The following HSD17B12 variants were observed in gnomAD, a reference collection of about 807,000 sequenced individuals.
The protein encoded by HSD17B12 is hydroxysteroid 17-beta dehydrogenase 12, also known as very-long-chain 3-oxoacyl-CoA reductase.
HSD17B12 carries 32 observed loss-of-function variants against 39.3 expected under a neutral mutation model. The ratio of observed to expected loss-of-function variants is 0.81; its 90% CI spans 0.61 to 1.09. The LOEUF is 1.09. Among genes scored for constraint, HSD17B12 ranks in the 50% least tolerant of loss-of-function variants. The pLI, the probability that HSD17B12 is intolerant of heterozygous loss-of-function variation, is 0.00. For missense variants in HSD17B12, 342 were observed against 382.9 expected (o/e 0.89, Z 0.89); for synonymous variants, 150 against 146.7 (o/e 1.02, Z -0.16).
chr11:43,721,719 A>T (rs553821164), intron 1 of HSD17B12, among the ~76,000 whole-genome samples: 1 of 152,202 alleles, frequency 6.6e-6, no homozygotes, highest in East Asian at 1.9e-4. Context: ...AGCCGAGAGT[A>T]TAAGAGGAGA....
the HSD17B12 span, among the ~76,000 whole-genome samples, chr11:43,582,496 G>T: frequency 2.0e-5 from 3 of 152,218 alleles, no homozygotes; most frequent in African/African-American, 7.2e-5. Context: ...TGCCCTTAGG[G>T]ACTGGGCCAG....
chr11:43,619,260 T>TA, the HSD17B12 span, among the ~76,000 whole-genome samples: 2 of 91,640 alleles, frequency 2.2e-5, no homozygotes, highest in Admixed American at 2.5e-4. Flanking sequence ...ATATATATAT[T>TA]TTATATATAT....
intron 1 of HSD17B12, among the ~76,000 whole-genome samples, chr11:43,697,560 A>T (rs747054708): frequency 4.6e-5 from 7 of 152,218 alleles, no homozygotes; most frequent in Non-Finnish European, 1.0e-4. Flanking sequence ...CCAAAGTCAC[A>T]TAGTAAGTGG....
chr11:43,746,937 T>C (rs1950417495), intron 1 of HSD17B12, among the ~76,000 whole-genome samples: 1 of 152,232 alleles, frequency 6.6e-6, no homozygotes, highest in Non-Finnish European at 1.5e-5. Context: ...CTGCTGACTG[T>C]ATGTGGTTTG....
chr11:43,597,926 C>T, the HSD17B12 span, among the ~76,000 whole-genome samples: 27 of 152,232 alleles, frequency 1.8e-4, no homozygotes, highest in Admixed American at 7.2e-4. Context: ...TCAGCCACCG[C>T]GCCCAGCCCC....
At chr11:43,660,498 C>G in the HSD17B12 span, among the ~76,000 whole-genome samples, 1 of 152,118 alleles carries the variant, frequency 6.6e-6, no homozygotes, top group Non-Finnish European at 1.5e-5. Flanking sequence ...TTAACTAACA[C>G]TAATTAAAGT....
At chr11:43,690,404 A>ATATTTTTTTT (rs1554959942) in intron 1 of HSD17B12, among the ~76,000 whole-genome samples, 1 of 24,960 alleles carries the variant, frequency 4.0e-5, no homozygotes, top group African/African-American at 1.9e-4. Context: ...ATATATATAT[A>ATATTTTTTTT]TTTTTTTTTT....
At chr11:43,801,595 G>GATAT (rs55674379) in intron 4 of HSD17B12, among the ~76,000 whole-genome samples, 1,308 of 72,116 alleles carry the variant, frequency 0.018, 7 homozygotes, top group Non-Finnish European at 0.025. Context: ...GATAGTTGGA[G>GATAT]ATATATATAT....
At chr11:43,613,344 A>G in the HSD17B12 span, among the ~76,000 whole-genome samples, 1 of 151,902 alleles carries the variant, frequency 6.6e-6, no homozygotes, top group Non-Finnish European at 1.5e-5. Context: ...GTGAGTCAAG[A>G]TCATATCATC....
At chr11:43,792,694 T>C (rs1950879055) in intron 3 of HSD17B12, among the ~76,000 whole-genome samples, 1 of 146,746 alleles carries the variant, frequency 6.8e-6, no homozygotes, top group Admixed American at 6.8e-5. Flanking sequence ...TTTTTTTTTT[T>C]TTTTTTTTTT....
the HSD17B12 span, among the ~76,000 whole-genome samples, chr11:43,575,369 C>T: frequency 2.0e-5 from 3 of 152,216 alleles, no homozygotes; most frequent in Non-Finnish European, 4.4e-5. The surrounding 1 kb of genome is among the most constrained non-coding windows in gnomAD (Gnocchi z 4.1). Flanking sequence ...GGCTATCTGC[C>T]CGACAAACAC....
the HSD17B12 span, among the ~76,000 whole-genome samples, chr11:43,619,936 T>G: frequency 2.6e-5 from 4 of 152,236 alleles, no homozygotes; most frequent in Admixed American, 6.5e-5. Flanking sequence ...GGCCCAGTTG[T>G]CCACTGACTT....
At chr11:43,731,413 G>A (rs1950265992) in intron 1 of HSD17B12, among the ~76,000 whole-genome samples, 1 of 152,142 alleles carries the variant, frequency 6.6e-6, no homozygotes, top group South Asian at 2.1e-4. Context: ...GTTAGCTAGT[G>A]GAATTATACC....
the HSD17B12 span, among the ~76,000 whole-genome samples, chr11:43,607,145 A>G: frequency 5.3e-5 from 8 of 152,154 alleles, no homozygotes; most frequent in Non-Finnish European, 7.3e-5. Flanking sequence ...TTCATTATAG[A>G]AATGTTCTAA....
At chr11:43,653,779 T>C in the HSD17B12 span, among the ~76,000 whole-genome samples, 16 of 152,206 alleles carry the variant, frequency 1.1e-4, no homozygotes, top group Non-Finnish European at 1.9e-4. Context: ...ATGTGCCACA[T>C]TTTCTTAATC....
chr11:43,705,560 A>T (rs1950005037), intron 1 of HSD17B12, among the ~76,000 whole-genome samples: 1 of 152,100 alleles, frequency 6.6e-6, no homozygotes, highest in Non-Finnish European at 1.5e-5. Flanking sequence ...TCCTTTGTGC[A>T]TATTTCTTTC....
At chr11:43,641,802 A>G in the HSD17B12 span, among the ~76,000 whole-genome samples, 2 of 151,994 alleles carry the variant, frequency 1.3e-5, no homozygotes, top group Non-Finnish European at 2.9e-5. Flanking sequence ...TATAAAATAC[A>G]TACATGAAAA....
At chr11:43,659,759 T>G in the HSD17B12 span, among the ~76,000 whole-genome samples, 1 of 152,124 alleles carries the variant, frequency 6.6e-6, no homozygotes, top group African/African-American at 2.4e-5. Flanking sequence ...AACTCAGTAA[T>G]AAAACAGACA....
At position 43,855,420 on chromosome 11, in the gene HSD17B12, T is replaced by A. The variant is rs1251446235; in HGVS notation, c.*172T>A. On this transcript the variant is annotated 3_prime_UTR_variant, in exon 11 of 11. Transcript: ENST00000278353. The stretch of plus-strand genomic sequence containing the variant: ...AAGTTGCTTTTAGGGGTTTCTGACA[T>A]ATATTCTGGATACTATCCGAGGTAA... 1.4e-5 allele frequency: 6 copies of A among 436,712 alleles called. No individual in the cohort carries two copies. In the East Asian group the frequency reaches 1.8e-4, roughly 13 times the overall value. The allele number at this position is 436,712 out of a possible 1,614,324, so 27.1% of individuals were successfully genotyped here.
Sources: gnomAD v4.1 joint callset for allele counts (sites outside exome capture counted in the v4.1 genomes callset) on GRCh38, gnomAD v4.1.1 for gene constraint, Gnocchi (gnomAD v3.1) non-coding constraint, MANE v1.5 for transcripts, NCBI Gene and HGNC (gene_info 2026-07-23, HGNC 2026-07-21) for gene names.